The following ATP9A variants were observed in gnomAD, a reference collection of about 807,000 sequenced individuals.
The protein encoded by ATP9A is ATPase phospholipid transporting 9A, also known as probable phospholipid-transporting ATPase IIA.
In ATP9A, 52 loss-of-function variants were observed where a neutral mutation model predicts 144.1. The ratio of observed to expected loss-of-function variants is 0.36; its 90% CI spans 0.29 to 0.45. ATP9A has a LOEUF of 0.45. Ranked by LOEUF, ATP9A falls within the 20% of genes least tolerant of loss-of-function variation. ATP9A has a pLI of 1.00. For synonymous variants in ATP9A, 582 were observed against 557.4 expected, an observed-to-expected ratio of 1.04 and a Z score of -0.62; for missense variants, 947 against 1,392.7, an observed-to-expected ratio of 0.68 and a Z score of 5.09.
chr20:51,710,701 G>A (rs917114295), intron 4 of ATP9A, among the ~76,000 whole-genome samples: 8 of 152,140 alleles, frequency 5.3e-5, no homozygotes, highest in Non-Finnish European at 1.0e-4. Flanking sequence ...ACCAGGGGCC[G>A]CAAAGAGAGA....
intron 9 of ATP9A, among the ~76,000 whole-genome samples, chr20:51,681,412 G>A (rs1250147712): frequency 6.8e-6 from 1 of 147,754 alleles, no homozygotes; most frequent in African/African-American, 2.5e-5. Context: ...TTCCTCTATA[G>A]CCCATCCTAA....
rs548130475 is a variant in ATP9A, at chr20:51,730,165, CAAA to C, written c.69-190_69-188del. Among the ~76,000 whole-genome samples, 18 of 152,202 alleles carry C rather than the reference CAAA, an allele frequency of 1.2e-4. 2 individuals carry two copies. Among genetic ancestry groups the C allele is most frequent in the Middle Eastern group, 3.4e-3 (1 of 294 alleles). On this transcript the variant is annotated intron_variant, in intron 1 of 27. Transcript: ENST00000338821. ...CAGAAGCTCCCACGAAGCTGTGGTCCAAATAAAAGATGCTTTGTCCTGGCCAGG... is the reference window on the plus strand; with the variant it reads ...CAGAAGCTCCCACGAAGCTGTGGTCCTAAAAGATGCTTTGTCCTGGCCAGG...
At chr20:51,710,299 G>A (rs1482807048) in intron 4 of ATP9A, among the ~76,000 whole-genome samples, 6 of 138,524 alleles carry the variant, frequency 4.3e-5, no homozygotes, top group Non-Finnish European at 8.0e-5. Flanking sequence ...GCGAAACTCC[G>A]TCTAAAAAAA....
chr20:51,725,418 G>C (rs1282363308), intron 3 of ATP9A, among the ~76,000 whole-genome samples: 1 of 152,154 alleles, frequency 6.6e-6, no homozygotes, highest in African/African-American at 2.4e-5. Context: ...CACCGTGCCT[G>C]GCCAGATTTT....
chr20:51,664,591 AAAAAAT>A (rs969613411), intron 13 of ATP9A, among the ~76,000 whole-genome samples: 4 of 152,182 alleles, frequency 2.6e-5, no homozygotes, highest in East Asian at 1.9e-4. Flanking sequence ...CTCTGTCTCA[AAAAAAT>A]AAAAATAAAA....
In ATP9A at chr20:51,610,152, G is replaced by C; in HGVS notation, c.2585C>G (p.Ser862Cys). 1 of 1,610,202 alleles carries C rather than the reference G, an allele frequency of 6.2e-7. No homozygotes were observed. Among genetic ancestry groups the C allele is most frequent in the Non-Finnish European group, 8.5e-7 (1 of 1,176,420 alleles). The change falls in exon 24 of 28, where the codon TCC becomes TGC. Residue 862 changes from serine to cysteine, a missense_variant. Physicochemically the swap from Ser to Cys is moderately radical, Grantham distance 112. Coordinates refer to ENST00000338821, the MANE Select transcript of ATP9A (RefSeq NM_006045.3). ...CISTMQAVFS[S>C]VFYFASVPLY... ...AGGGACGGAGGCAAAGTAAAACACG[G>C]AGGAAAAGACAGCCTGTGCCAAGGA...
chr20:51,691,909 A>G (rs2077550081), intron 7 of ATP9A, among the ~76,000 whole-genome samples: 1 of 152,236 alleles, frequency 6.6e-6, no homozygotes, highest in Admixed American at 6.5e-5. Context: ...AATATTACTC[A>G]GCCTTAAAAA....
At chr20:51,687,389 G>A (rs563729875) in intron 9 of ATP9A, among the ~76,000 whole-genome samples, 2 of 152,286 alleles carry the variant, frequency 1.3e-5, no homozygotes, top group East Asian at 1.9e-4. Flanking sequence ...GGTGACACAC[G>A]GTACTCCAGG....
At chr20:51,743,188 G>A (rs921172608) in intron 1 of ATP9A, among the ~76,000 whole-genome samples, 1 of 152,164 alleles carries the variant, frequency 6.6e-6, no homozygotes, top group Non-Finnish European at 1.5e-5. Flanking sequence ...CGTGTTGCAT[G>A]CATGGACTTC....
chr20:51,692,905 T>A (rs1601108602), intron 7 of ATP9A, among the ~76,000 whole-genome samples: 1 of 152,354 alleles, frequency 6.6e-6, no homozygotes, highest in Middle Eastern at 3.4e-3. Flanking sequence ...ATAGGGTGGC[T>A]ACATTTCTTG....
rs1183931385 is a variant in ATP9A at position 51,651,659 on chromosome 20, T to C, written c.1506+5279A>G. 3.3e-5 allele frequency among the ~76,000 whole-genome samples: 5 copies of C among 150,898 alleles called. No homozygotes were observed. In the South Asian group the frequency reaches 8.3e-4, roughly 25 times the overall value. On this transcript the variant is annotated intron_variant, in intron 14 of 27. Transcript: ENST00000338821. ...TAAAACCTTTTTTGGCCAGGAGTGG[T>C]GGCTCACGCTTGTAATCCTAGCACT...
At chr20:51,693,545 A>C (rs2077557585) in intron 7 of ATP9A, among the ~76,000 whole-genome samples, 1 of 151,934 alleles carries the variant, frequency 6.6e-6, no homozygotes, top group East Asian at 1.9e-4. Context: ...TACTTTTATT[A>C]GATACAGGTG....
intron 13 of ATP9A, among the ~76,000 whole-genome samples, chr20:51,669,247 T>G (rs1373762814): frequency 6.6e-6 from 1 of 152,188 alleles, no homozygotes; most frequent in Non-Finnish European, 1.5e-5. Context: ...TTTTGTTCTG[T>G]GTTGTTTTGA....
At chr20:51,641,952 TC>T (rs1601076461) in intron 14 of ATP9A, among the ~76,000 whole-genome samples, 1 of 151,216 alleles carries the variant, frequency 6.6e-6, no homozygotes, top group East Asian at 2.0e-4. Flanking sequence ...CCTCCCCTAC[TC>T]CCCCTAAAGA....
intron 3 of ATP9A, among the ~76,000 whole-genome samples, chr20:51,714,380 T>C (rs1188365604): frequency 6.6e-6 from 1 of 151,414 alleles, no homozygotes; most frequent in Non-Finnish European, 1.5e-5. Context: ...AGATGGTTTG[T>C]TGTTGTTGTT....
rs534972636 is a variant in ATP9A at position 51,747,389 on chromosome 20, T to C, written c.69-17411A>G. On this transcript the variant is annotated intron_variant, in intron 1 of 27. Transcript: ENST00000338821. ...TGCACGAGGATGTTCACAGCGGCAATAGACAGGGCAACACCCCGGAAATGA... is the reference window on the plus strand; with the variant it reads ...TGCACGAGGATGTTCACAGCGGCAACAGACAGGGCAACACCCCGGAAATGA... 2.7e-4 allele frequency among the ~76,000 whole-genome samples: 41 copies of C among 151,922 alleles called. 1 individual carries two copies. The highest frequency in any genetic ancestry group is 2.3e-3 in the East Asian group (12 of 5,172).
chr20:51,646,130 C>T (rs1314520087), intron 14 of ATP9A, among the ~76,000 whole-genome samples: 1 of 152,208 alleles, frequency 6.6e-6, no homozygotes, highest in Admixed American at 6.5e-5. Context: ...AGAGCCCACA[C>T]CTTTCCCTGC....
chr20:51,680,683 T>C (rs1346949927), intron 9 of ATP9A, among the ~76,000 whole-genome samples: 3 of 152,038 alleles, frequency 2.0e-5, no homozygotes, highest in Non-Finnish European at 2.9e-5. Flanking sequence ...TTACAGCCTA[T>C]AGGGAACACA....
At chr20:51,691,456 G>A (rs979844545) in intron 7 of ATP9A, among the ~76,000 whole-genome samples, 37 of 152,154 alleles carry the variant, frequency 2.4e-4, no homozygotes, top group African/African-American at 8.4e-4. Flanking sequence ...GCGACAGAGC[G>A]AGACTCCGTC....
Sources: allele counts gnomAD v4.1 joint callset (sites outside exome capture counted in the v4.1 genomes callset), GRCh38; gene constraint gnomAD v4.1.1; transcripts MANE v1.5; gene names NCBI Gene and HGNC (gene_info 2026-07-23, HGNC 2026-07-21).